The following GPC6 variants were observed in gnomAD, a reference collection of about 807,000 sequenced individuals.
GPC6 encodes glypican-6.
In GPC6, 14 loss-of-function variants were observed where a neutral mutation model predicts 55.2. The observed-to-expected ratio is 0.25, with a 90% CI of 0.17 to 0.40. The LOEUF (loss-of-function observed/expected upper bound fraction) is 0.40, where lower values mean the gene tolerates loss of function less well. Among genes scored for constraint, GPC6 ranks in the 10% least tolerant of loss-of-function variants. The pLI is 1.00. For missense variants in GPC6, 641 were observed against 708.5 expected, an observed-to-expected ratio of 0.90 and a Z score of 1.08; for synonymous variants, 278 against 259.6, an observed-to-expected ratio of 1.07 and a Z score of -0.68.
At chr13:93,275,401 A>C (rs912878931) in intron 1 of GPC6, among the ~76,000 whole-genome samples, 11 of 152,310 alleles carry the variant, frequency 7.2e-5, no homozygotes, top group Admixed American at 7.2e-4. Context: ...ATTCTTCAGA[A>C]TACTATGTTT....
chr13:94,168,810 T>G (rs1001886174), intron 4 of GPC6, among the ~76,000 whole-genome samples: 6 of 151,458 alleles, frequency 4.0e-5, no homozygotes, highest in Admixed American at 2.6e-4. Flanking sequence ...ATTATATTCA[T>G]TTTTTATTCT....
At chr13:94,079,562 C>A (rs1045605128) in intron 4 of GPC6, among the ~76,000 whole-genome samples, 8 of 152,072 alleles carry the variant, frequency 5.3e-5, no homozygotes, top group Non-Finnish European at 1.0e-4. Context: ...GAGCTTAATG[C>A]AAAAATGTTT....
chr13:93,240,988 GT>G (rs1876408311), intron 1 of GPC6, among the ~76,000 whole-genome samples: 2 of 152,084 alleles, frequency 1.3e-5, no homozygotes, highest in African/African-American at 4.8e-5. Context: ...TGGCTTGTGA[GT>G]TTTTTGCTGG....
chr13:93,447,449 G>A (rs1878050251), intron 1 of GPC6, among the ~76,000 whole-genome samples: 1 of 152,070 alleles, frequency 6.6e-6, no homozygotes, highest in Non-Finnish European at 1.5e-5. Flanking sequence ...TGGCACATTA[G>A]ACCATAGGTT....
At chr13:93,764,563 G>A (rs1197295219) in intron 2 of GPC6, among the ~76,000 whole-genome samples, 1 of 132,298 alleles carries the variant, frequency 7.6e-6, no homozygotes, top group African/African-American at 2.9e-5. Flanking sequence ...AGTTATTTAT[G>A]AGAAAAAAAT....
intron 4 of GPC6, among the ~76,000 whole-genome samples, chr13:94,095,761 C>T (rs1885634301): frequency 6.6e-6 from 1 of 151,938 alleles, no homozygotes; most frequent in Non-Finnish European, 1.5e-5. Flanking sequence ...AGAAATTGGG[C>T]AGGGAGAGAA....
intron 1 of GPC6, among the ~76,000 whole-genome samples, chr13:93,289,042 C>T (rs558532500): frequency 2.7e-4 from 41 of 152,172 alleles, no homozygotes; most frequent in Non-Finnish European, 8.8e-5. Context: ...TCATTTTGGT[C>T]TAAGATGGAA....
Position 94,233,435 on chromosome 13 carries a change from C to G in GPC6, c.878-52914C>G, listed in dbSNP as rs114005349. ...CCATCCCCCATTATCTGCTCTTTCA[C>G]TTTTTTGGTTTCAGTTACCCACAGC... On this transcript the variant is annotated intron_variant, in intron 4 of 8. Coordinates refer to ENST00000377047, the MANE Select transcript of GPC6 (RefSeq NM_005708.5). Among the ~76,000 whole-genome samples the G allele has an allele frequency of 6.6e-3, 1,007 of 152,242 alleles. 18 individuals are homozygous for G. Among genetic ancestry groups the G allele is most frequent in the African/African-American group, 0.023 (958 of 41,528 alleles).
chr13:93,696,606 C>T (rs1441344708), intron 2 of GPC6, among the ~76,000 whole-genome samples: 1 of 144,004 alleles, frequency 6.9e-6, no homozygotes, highest in East Asian at 2.0e-4. Context: ...TACTGGTTAC[C>T]TCCATAAATT....
intron 4 of GPC6, among the ~76,000 whole-genome samples, chr13:94,106,354 G>T (rs1482545334): frequency 6.6e-6 from 1 of 152,180 alleles, no homozygotes; most frequent in Non-Finnish European, 1.5e-5. Context: ...TTTTGAAAAA[G>T]TTTCTCTACA....
intron 3 of GPC6, among the ~76,000 whole-genome samples, chr13:93,895,151 T>C (rs1047397964): frequency 6.7e-6 from 1 of 149,146 alleles, no homozygotes; most frequent in Non-Finnish European, 1.5e-5. Flanking sequence ...TATTTTCACC[T>C]CTAAGTCCAT....
intron 1 of GPC6, among the ~76,000 whole-genome samples, chr13:93,543,559 C>G (rs1236516923): frequency 6.6e-6 from 1 of 151,942 alleles, no homozygotes; most frequent in African/African-American, 2.4e-5. Context: ...AGGGAGGATT[C>G]CCTCTTTTTC....
chr13:93,237,025 A>C (rs1451353965), intron 1 of GPC6, among the ~76,000 whole-genome samples: 1 of 152,172 alleles, frequency 6.6e-6, no homozygotes, highest in Non-Finnish European at 1.5e-5. Context: ...GTTGTGATAA[A>C]TATATGAGTG....
chr13:94,159,705 T>G (rs1364252394), intron 4 of GPC6, among the ~76,000 whole-genome samples: 1 of 152,162 alleles, frequency 6.6e-6, no homozygotes, highest in Non-Finnish European at 1.5e-5. Flanking sequence ...TATGGAAGCG[T>G]ATGCGAGAAT....
At chr13:93,580,465 C>T (rs1005668356) in intron 2 of GPC6, among the ~76,000 whole-genome samples, 7 of 152,238 alleles carry the variant, frequency 4.6e-5, no homozygotes, top group Non-Finnish European at 8.8e-5. Context: ...ACATTATACA[C>T]ATAGCAGGTG....
At chr13:93,783,399 G>T (rs1353708290) in intron 2 of GPC6, among the ~76,000 whole-genome samples, 1 of 18,892 alleles carries the variant, frequency 5.3e-5, no homozygotes, top group African/African-American at 3.0e-4. Flanking sequence ...TCACCACACT[G>T]TCCACACTGT....
intron 1 of GPC6, among the ~76,000 whole-genome samples, chr13:93,347,816 C>T (rs2139159821): frequency 6.6e-6 from 1 of 152,164 alleles, no homozygotes. Flanking sequence ...CTGAGTCCTC[C>T]CAAAAGCTTG....
chr13:94,134,307 C>A (rs1051696045), intron 4 of GPC6, among the ~76,000 whole-genome samples: 4 of 152,090 alleles, frequency 2.6e-5, no homozygotes, highest in African/African-American at 9.7e-5. Context: ...AATGGCAGTG[C>A]CAGAAGATAA....
intron 1 of GPC6, among the ~76,000 whole-genome samples, chr13:93,433,460 C>T (rs1391457684): frequency 6.6e-6 from 1 of 152,074 alleles, no homozygotes; most frequent in Non-Finnish European, 1.5e-5. Context: ...AGACCATGGC[C>T]TTTGGAATTA....
Sources: allele counts gnomAD v4.1 joint callset (sites outside exome capture counted in the v4.1 genomes callset), GRCh38; gene constraint gnomAD v4.1.1; transcripts MANE v1.5; gene names NCBI Gene and HGNC (gene_info 2026-07-23, HGNC 2026-07-21).